CEP350: variants seen among roughly 807,000 people sequenced by gnomAD.
CEP350 encodes the protein centrosomal protein 350, also known as centrosome-associated protein 350.
CEP350 carries 126 observed loss-of-function variants against 331.8 expected under a neutral mutation model. The ratio of observed to expected loss-of-function variants is 0.38; its 90% CI spans 0.33 to 0.44. CEP350 has a LOEUF of 0.44. Among genes scored for constraint, CEP350 ranks in the 20% least tolerant of loss-of-function variants. CEP350 has a pLI of 1.00. For synonymous variants in CEP350, 1,200 were observed against 1,259.5 expected (o/e 0.95, Z 1.00); for missense variants, 3,406 against 3,634.6 (o/e 0.94, Z 1.62).
intron 5 of CEP350, 35 bp downstream of exon 5, chr1:179,992,256 G>T: frequency 7.0e-7 from 1 of 1,420,032 alleles, no homozygotes; most frequent in Non-Finnish European, 9.2e-7. Context: ...TATCAAATAG[G>T]TTTAGCCTGT....
intron 37 of CEP350, among the ~76,000 whole-genome samples, chr1:180,110,178 C>A (rs1232261913): frequency 2.0e-5 from 3 of 152,090 alleles, no homozygotes; most frequent in Admixed American, 1.3e-4. Context: ...TATTATAATA[C>A]CCCAGAGTCA....
chr1:180,060,376 C>T (rs12116940), intron 25 of CEP350, among the ~76,000 whole-genome samples: 12,693 of 152,282 alleles, frequency 0.083, 704 homozygotes, highest in Non-Finnish European at 0.12. Context: ...GGGGTGGGCA[C>T]AGTGGCTCAT....
At position 180,093,633 on chromosome 1, in the gene CEP350, C is replaced by T. The variant is rs1213558956; in HGVS notation, c.7528C>T (p.Pro2510Ser). ...GDRVLIGNVQ[P>S]GILRFKGETS... ...TAGGGTGTTGATTGGAAATGTTCAG[C>T]CAGGAATTCTTCGATTCAAAGGTGA... The change falls in exon 34 of 38, where the codon CCA becomes TCA. Residue 2510 changes from proline to serine, a missense_variant. Pro to Ser is a moderately conservative substitution (Grantham distance 74, BLOSUM62 -1). Transcript: ENST00000367607. The T allele has an allele frequency of 1.9e-6, 3 of 1,613,862 alleles. No individual in the cohort carries two copies. The highest frequency in any genetic ancestry group is 2.5e-6 in the Non-Finnish European group (3 of 1,179,862).
intron 5 of CEP350, among the ~76,000 whole-genome samples, chr1:179,993,892 A>G (rs756804130): frequency 6.6e-6 from 1 of 151,878 alleles, no homozygotes; most frequent in Non-Finnish European, 1.5e-5. Context: ...CCCCACTCCC[A>G]TTTTCCCAAC....
chr1:179,958,995 T>C (rs1162539946), intron 1 of CEP350, among the ~76,000 whole-genome samples: 3 of 152,230 alleles, frequency 2.0e-5, no homozygotes, highest in African/African-American at 7.2e-5. Context: ...TGTATGGTTT[T>C]ATTGTAAGAA....
chr1:180,007,913 G>C (rs1208438264), intron 8 of CEP350, among the ~76,000 whole-genome samples: 1 of 147,408 alleles, frequency 6.8e-6, no homozygotes, highest in Non-Finnish European at 1.5e-5. Context: ...CACATATTTA[G>C]AATGTATAGT....
At chr1:179,972,992 C>A (rs1056387811) in intron 1 of CEP350, among the ~76,000 whole-genome samples, 1 of 151,450 alleles carries the variant, frequency 6.6e-6, no homozygotes, top group Non-Finnish European at 1.5e-5. Flanking sequence ...CTCAGCCTCC[C>A]GAGTAGCTGG....
chr1:180,093,124 A>G lies in CEP350; in HGVS notation c.7019A>G (p.His2340Arg), dbSNP rs775447686. 3.1e-6 allele frequency: 5 copies of G among 1,602,212 alleles called. No homozygotes were observed. The Admixed American group carries it at 6.9e-5, about 22-fold the overall frequency. ...KERQSDQDMNHSPNIQSGKDI... is the reference protein window; with the variant it reads ...KERQSDQDMNRSPNIQSGKDI... Reference sequence around the variant, plus strand: ...AGACAGTCAGATCAAGATATGAATCATAGTCCAAACATCCAATCAGGAAAA... The same window carrying G: ...AGACAGTCAGATCAAGATATGAATCGTAGTCCAAACATCCAATCAGGAAAA... The change falls in exon 34 of 38, where the codon CAT (histidine) becomes CGT (arginine). Residue 2340 changes from histidine to arginine, a missense_variant. Transcript: ENST00000367607.
At chr1:179,963,536 CA>C (rs1223384420) in intron 1 of CEP350, among the ~76,000 whole-genome samples, 1 of 151,760 alleles carries the variant, frequency 6.6e-6, no homozygotes, top group African/African-American at 2.4e-5. Context: ...ACATGCTAGC[CA>C]GTTTTTTTGT....
At chr1:180,036,540 C>T (rs1656367345) in intron 16 of CEP350, among the ~76,000 whole-genome samples, 1 of 152,150 alleles carries the variant, frequency 6.6e-6, no homozygotes, top group Non-Finnish European at 1.5e-5. Context: ...GAGGTACGAC[C>T]TTCCACCAGC....
chr1:180,060,798 A>G (rs1340568056), intron 25 of CEP350, among the ~76,000 whole-genome samples: 2 of 152,204 alleles, frequency 1.3e-5, no homozygotes, highest in African/African-American at 4.8e-5. Flanking sequence ...TTTAAAATAT[A>G]TACATATGAT....
intron 5 of CEP350, 87 bp from the exon 6 acceptor site, chr1:179,996,466 A>T (rs1420509696): frequency 1.1e-6 from 1 of 934,088 alleles, no homozygotes; most frequent in East Asian, 2.6e-5. Flanking sequence ...TTTTGTGGTG[A>T]GAACACTTAA....
chr1:180,070,575 A>G (rs528754522), intron 27 of CEP350, among the ~76,000 whole-genome samples: 1 of 152,334 alleles, frequency 6.6e-6, no homozygotes, highest in Non-Finnish European at 1.5e-5. Flanking sequence ...CACAGAGTTT[A>G]TGTAACTTTC....
chr1:180,044,905 AAAG>A (rs1322466128), intron 21 of CEP350, among the ~76,000 whole-genome samples: 1 of 151,484 alleles, frequency 6.6e-6, no homozygotes, highest in Admixed American at 6.6e-5. Context: ...GGAAAAAAAA[AAAG>A]AAACCCATTC....
chr1:179,986,848 T>C (rs1652680091), intron 2 of CEP350, among the ~76,000 whole-genome samples: 1 of 152,200 alleles, frequency 6.6e-6, no homozygotes, highest in Non-Finnish European at 1.5e-5. Flanking sequence ...TACTGGTAGA[T>C]CAAAATCTGG....
intron 15 of CEP350, among the ~76,000 whole-genome samples, chr1:180,032,081 CGT>C (rs1656062463): frequency 6.6e-6 from 1 of 152,036 alleles, no homozygotes; most frequent in African/African-American, 2.4e-5. Flanking sequence ...ATGGAGCTTG[CGT>C]ACTGTTTTTT....
intron 5 of CEP350, among the ~76,000 whole-genome samples, 198 bp downstream of exon 5, chr1:179,992,419 C>A (rs1020647260): frequency 1.3e-5 from 2 of 152,116 alleles, no homozygotes; most frequent in Non-Finnish European, 2.9e-5. Context: ...ACTGCAGTAG[C>A]CTCTTCTGCA....
At position 180,041,649 on chromosome 1, in the gene CEP350, C is replaced by T. The variant is rs750222798; in HGVS notation, c.4222-13C>T. ...AAAACATAACTTCTTTTTTAAACCCCTTTTATTTAAAGGTCCATGCAGAAT... is the reference window on the plus strand; with the variant it reads ...AAAACATAACTTCTTTTTTAAACCCTTTTTATTTAAAGGTCCATGCAGAAT... On this transcript the variant is annotated splice_polypyrimidine_tract_variant and intron_variant, in intron 18 of 37. Transcript: ENST00000367607. 2 of 1,600,932 alleles carry T rather than the reference C, an allele frequency of 1.2e-6. No individual in the cohort carries two copies. The highest frequency in any genetic ancestry group is 1.7e-6 in the Non-Finnish European group (2 of 1,174,448).
At chr1:180,081,922 T>C (rs1411930902) in intron 30 of CEP350, among the ~76,000 whole-genome samples, 2 of 152,250 alleles carry the variant, frequency 1.3e-5, no homozygotes, top group South Asian at 2.1e-4. Flanking sequence ...AGTTGTCTCA[T>C]ATTTCTCTGT....
Sources: allele counts gnomAD v4.1 joint callset (sites outside exome capture counted in the v4.1 genomes callset), GRCh38; gene constraint gnomAD v4.1.1; transcripts MANE v1.5; gene names NCBI Gene and HGNC (gene_info 2026-07-23, HGNC 2026-07-21).